Variants in TRPM3 observed in about 807,000 individuals in gnomAD.
The protein encoded by TRPM3 is long transient receptor potential channel 3.
Under a neutral mutation model 181.2 loss-of-function variants are expected in TRPM3, and 77 were observed. The ratio of observed to expected loss-of-function variants is 0.42; its 90% CI spans 0.35 to 0.51. The LOEUF (loss-of-function observed/expected upper bound fraction) is 0.51. Among genes scored for constraint, TRPM3 ranks in the 20% least tolerant of loss-of-function variants. TRPM3 has a pLI of 0.01. For synonymous variants in TRPM3, 745 were observed against 796.4 expected (o/e 0.94, Z 1.09); for missense variants, 1,759 against 2,196.7 (o/e 0.80, Z 3.98).
chr9:71,013,993 G>A (rs1237059111), intron 1 of TRPM3, among the ~76,000 whole-genome samples: 2 of 151,312 alleles, frequency 1.3e-5, no homozygotes, highest in African/African-American at 4.9e-5. Context: ...ACTTCCTTAC[G>A]GAGTGTTTTT....
chr9:71,042,578 T>C (rs1020009902), intron 1 of TRPM3, among the ~76,000 whole-genome samples: 2 of 152,222 alleles, frequency 1.3e-5, no homozygotes, highest in Non-Finnish European at 2.9e-5. Context: ...TCTTTAGTAG[T>C]TCTCCTTGAA....
At chr9:70,828,928 T>G (rs902033240) in intron 5 of TRPM3, among the ~76,000 whole-genome samples, 1 of 152,148 alleles carries the variant, frequency 6.6e-6, no homozygotes, top group Non-Finnish European at 1.5e-5. Context: ...TCTATGCTTA[T>G]TTTTCTTTCC....
chr9:70,756,004 GC>G (rs2077018379), intron 8 of TRPM3, among the ~76,000 whole-genome samples: 1 of 152,030 alleles, frequency 6.6e-6, no homozygotes, highest in African/African-American at 2.4e-5. Context: ...CAGGCTAAAT[GC>G]CCCAATTAAA....
At chr9:71,373,981 C>T (rs2092600316) in intron 1 of TRPM3, among the ~76,000 whole-genome samples, 1 of 152,208 alleles carries the variant, frequency 6.6e-6, no homozygotes, top group Non-Finnish European at 1.5e-5. Context: ...ATACACAAAT[C>T]AACGTGATTC....
intron 9 of TRPM3, among the ~76,000 whole-genome samples, chr9:70,676,066 G>T (rs1460375685): frequency 1.3e-5 from 2 of 152,126 alleles, no homozygotes; most frequent in Non-Finnish European, 1.5e-5. Context: ...CCTTGTTTTT[G>T]ATGACCTTGA....
chr9:70,931,736 TTAAAATC>T (rs1376686424), intron 1 of TRPM3, among the ~76,000 whole-genome samples: 1 of 152,162 alleles, frequency 6.6e-6, no homozygotes, highest in Non-Finnish European at 1.5e-5. Flanking sequence ...GCGCAAAACT[TTAAAATC>T]AAAGTTTATA....
Position 71,132,733 on chromosome 9 carries a change from T to C in TRPM3, c.184-268222A>G, listed in dbSNP as rs117796670. On this transcript the variant is annotated intron_variant, in intron 1 of 24. Coordinates refer to the TRPM3 transcript ENST00000357533. ...TTCTTCTATTATCCATCAATAACTG[T>C]TGATGTAATTTTTAGAAATATTACC... Among the ~76,000 whole-genome samples the C allele has an allele frequency of 9.8e-3, 1,496 of 152,304 alleles. 21 individuals carry two copies. Among genetic ancestry groups the C allele is most frequent in the East Asian group, 0.072 (372 of 5,186 alleles).
intron 1 of TRPM3, among the ~76,000 whole-genome samples, chr9:71,158,420 C>T (rs1305141817): frequency 1.3e-5 from 2 of 152,100 alleles, no homozygotes; most frequent in Non-Finnish European, 2.9e-5. Flanking sequence ...GATGAACACC[C>T]ACTAGCTGTA....
chr9:71,202,275 C>G (rs1233830602), intron 1 of TRPM3, among the ~76,000 whole-genome samples: 1 of 151,064 alleles, frequency 6.6e-6, no homozygotes, highest in Non-Finnish European at 1.5e-5. Flanking sequence ...GCTCGGGGGT[C>G]AGGGGTCAGG....
chr9:71,069,099 A>G (rs1294839875), intron 1 of TRPM3, among the ~76,000 whole-genome samples: 1 of 152,216 alleles, frequency 6.6e-6, no homozygotes, highest in Non-Finnish European at 1.5e-5. Context: ...AAAAACATAT[A>G]GTTCTATGAA....
chr9:71,038,528 CT>C, intron 1 of TRPM3, among the ~76,000 whole-genome samples: 1 of 152,268 alleles, frequency 6.6e-6, no homozygotes, highest in African/African-American at 2.4e-5. Flanking sequence ...CTAACAATAT[CT>C]TTCCCTATTT....
intron 9 of TRPM3, among the ~76,000 whole-genome samples, chr9:70,649,192 CTT>C (rs58145886): frequency 3.5e-5 from 5 of 144,154 alleles, no homozygotes; most frequent in Non-Finnish European, 4.6e-5. Context: ...TGAACAGACA[CTT>C]TTTTTTTTTT....
At chr9:71,286,096 G>A (rs970272784) in intron 1 of TRPM3, among the ~76,000 whole-genome samples, 2 of 152,130 alleles carry the variant, frequency 1.3e-5, no homozygotes, top group African/African-American at 4.8e-5. Flanking sequence ...ACATCTGTTT[G>A]AGAAAGTCTG....
At chr9:71,199,106 T>C (rs1486435044) in intron 1 of TRPM3, among the ~76,000 whole-genome samples, 5 of 151,124 alleles carry the variant, frequency 3.3e-5, no homozygotes, top group South Asian at 4.2e-4. Flanking sequence ...TTGTCAAAGG[T>C]CTTTTCTGCA....
chr9:70,673,752 C>A (rs545433520), intron 9 of TRPM3, among the ~76,000 whole-genome samples: 2 of 152,032 alleles, frequency 1.3e-5, no homozygotes, highest in East Asian at 3.9e-4. Context: ...CATAGTGAAA[C>A]CCCATCTCTA....
At chr9:70,912,521 C>T (rs1477578108) in intron 1 of TRPM3, among the ~76,000 whole-genome samples, 4 of 152,128 alleles carry the variant, frequency 2.6e-5, no homozygotes, top group African/African-American at 9.7e-5. Flanking sequence ...AGCCTAGCTT[C>T]TCAGATAGTG....
chr9:71,205,527 G>T (rs537148271), intron 1 of TRPM3, among the ~76,000 whole-genome samples: 4 of 152,224 alleles, frequency 2.6e-5, no homozygotes, highest in African/African-American at 7.2e-5. Flanking sequence ...TGGCAAGTTT[G>T]TTGGCCAAAC....
chr9:71,242,596 C>T (rs1467777888), intron 1 of TRPM3, among the ~76,000 whole-genome samples: 1 of 152,130 alleles, frequency 6.6e-6, no homozygotes, highest in Non-Finnish European at 1.5e-5. Flanking sequence ...GCTATTATTC[C>T]TGATATTAAT....
intron 6 of TRPM3, among the ~76,000 whole-genome samples, chr9:70,804,955 C>G (rs2131301789): frequency 6.6e-6 from 1 of 152,192 alleles, no homozygotes; most frequent in East Asian, 1.9e-4. Context: ...GAACCTGAAG[C>G]TGCTGAACTC....
Sources: allele counts gnomAD v4.1 joint callset (sites outside exome capture counted in the v4.1 genomes callset), GRCh38; gene constraint gnomAD v4.1.1; transcripts MANE v1.5; gene names NCBI Gene and HGNC (gene_info 2026-07-23, HGNC 2026-07-21).